The following TTC29 variants were observed in gnomAD, a reference collection of about 807,000 sequenced individuals.
TTC29 encodes tetratricopeptide repeat domain 29.
A neutral mutation model predicts 58.1 loss-of-function variants in TTC29; 49 were observed. The observed-to-expected ratio is 0.84, with a 90% CI of 0.67 to 1.07. The LOEUF is 1.07. TTC29 is among the 50% of genes least tolerant of loss of function. TTC29 has a pLI of 0.00. For missense variants in TTC29, 582 were observed against 555.6 expected (o/e 1.05, Z -0.48); for synonymous variants, 209 against 196.8 (o/e 1.06, Z -0.52).
chr4:146,763,280 T>A (rs914727200), intron 11 of TTC29, among the ~76,000 whole-genome samples: 12 of 152,134 alleles, frequency 7.9e-5, no homozygotes, highest in Admixed American at 7.2e-4. Flanking sequence ...TAACTTTATG[T>A]TCAACAGTTA....
At chr4:146,758,754 T>C (rs4835049) in intron 11 of TTC29, among the ~76,000 whole-genome samples, 106,114 of 151,978 alleles carry the variant, frequency 0.7, 38,149 homozygotes, top group African/African-American at 0.88. Flanking sequence ...GGGTCAAAAA[T>C]GAAATGAAGA....
At chr4:146,794,614 G>A (rs148290333) in intron 11 of TTC29, among the ~76,000 whole-genome samples, 17 of 151,986 alleles carry the variant, frequency 1.1e-4, no homozygotes, top group African/African-American at 1.7e-4. Context: ...TTTCCCCACT[G>A]ATACGTTAGT....
intron 5 of TTC29, among the ~76,000 whole-genome samples, chr4:146,908,214 T>C (rs932861917): frequency 2.0e-5 from 3 of 152,202 alleles, no homozygotes; most frequent in African/African-American, 7.2e-5. Flanking sequence ...GCCTGAGTTT[T>C]TCTTTTTGAA....
chr4:146,885,331 C>T (rs540378362), intron 6 of TTC29, among the ~76,000 whole-genome samples: 2 of 152,088 alleles, frequency 1.3e-5, no homozygotes, highest in East Asian at 3.9e-4. Context: ...TGAAACAATA[C>T]AGGAAAAATC....
intron 11 of TTC29, among the ~76,000 whole-genome samples, chr4:146,775,993 A>G (rs1233739282): frequency 6.6e-6 from 1 of 151,884 alleles, no homozygotes; most frequent in African/African-American, 2.4e-5. Context: ...ATGCATCTTT[A>G]TTGTTTTTTC....
intron 11 of TTC29, among the ~76,000 whole-genome samples, chr4:146,727,526 C>T (rs763176632): frequency 5.4e-4 from 82 of 152,204 alleles, no homozygotes; most frequent in African/African-American, 1.7e-3. Flanking sequence ...CTGAAACCAC[C>T]GATTTTTGAA....
intron 10 of TTC29, among the ~76,000 whole-genome samples, chr4:146,808,921 A>T (rs1750816803): frequency 6.6e-6 from 1 of 152,218 alleles, no homozygotes; most frequent in Non-Finnish European, 1.5e-5. Flanking sequence ...AAGAGCCTGT[A>T]TAGCCAAGAC....
At chr4:146,806,845 C>G (rs1036342921) in intron 10 of TTC29, among the ~76,000 whole-genome samples, 1 of 152,112 alleles carries the variant, frequency 6.6e-6, no homozygotes, top group Non-Finnish European at 1.5e-5. Context: ...AGAAAATTAA[C>G]AAAGATATTC....
chr4:146,729,926 T>A (rs188801231), intron 11 of TTC29, among the ~76,000 whole-genome samples: 11 of 152,016 alleles, frequency 7.2e-5, no homozygotes, highest in African/African-American at 2.7e-4. Context: ...GGGATTACCA[T>A]TAGAGATGAG....
intron 11 of TTC29, among the ~76,000 whole-genome samples, chr4:146,766,596 T>A (rs979642386): frequency 3.9e-5 from 6 of 151,982 alleles, no homozygotes; most frequent in Non-Finnish European, 7.4e-5. Flanking sequence ...TAGAAGTGGG[T>A]TTGTGATAAA....
intron 11 of TTC29, among the ~76,000 whole-genome samples, chr4:146,794,156 C>T (rs555616846): frequency 6.6e-6 from 1 of 152,186 alleles, no homozygotes; most frequent in South Asian, 2.1e-4. Flanking sequence ...AAAGTGATTA[C>T]AATTTAAAGC....
intron 8 of TTC29, among the ~76,000 whole-genome samples, chr4:146,834,244 A>G (rs1042829104): frequency 6.6e-6 from 1 of 152,206 alleles, no homozygotes; most frequent in African/African-American, 2.4e-5. Flanking sequence ...AATATAAGGC[A>G]GATTATAATA....
chr4:146,898,387 A>G (rs574052577), intron 6 of TTC29, among the ~76,000 whole-genome samples: 2 of 152,322 alleles, frequency 1.3e-5, no homozygotes, highest in East Asian at 3.9e-4. Context: ...TTATAGAGAT[A>G]CACTAGCTAG....
intron 8 of TTC29, among the ~76,000 whole-genome samples, chr4:146,839,008 G>T (rs1728681753): frequency 6.6e-6 from 1 of 151,834 alleles, no homozygotes; most frequent in African/African-American, 2.4e-5. Context: ...GCCTTTATAA[G>T]AAAACACTGT....
intron 11 of TTC29, among the ~76,000 whole-genome samples, chr4:146,766,746 T>C (rs1162946173): frequency 6.6e-6 from 1 of 152,028 alleles, no homozygotes; most frequent in Non-Finnish European, 1.5e-5. Flanking sequence ...CAGTAAATTG[T>C]TAAATAATTT....
intron 4 of TTC29, 145 bp from the exon 5 acceptor site, chr4:146,909,394 C>T (rs1733750112): frequency 1.5e-6 from 1 of 659,380 alleles, no homozygotes; most frequent in South Asian, 1.9e-5. Flanking sequence ...AGATCTTTGC[C>T]TCAAACACTT....
intron 4 of TTC29, among the ~76,000 whole-genome samples, chr4:146,928,716 T>C (rs1431733167): frequency 1.3e-5 from 2 of 152,210 alleles, no homozygotes; most frequent in African/African-American, 2.4e-5. Context: ...CACTTGAATA[T>C]ATTCTAAATT....
intron 11 of TTC29, among the ~76,000 whole-genome samples, chr4:146,772,290 T>C (rs1013524742): frequency 6.6e-6 from 1 of 152,180 alleles, no homozygotes; most frequent in African/African-American, 2.4e-5. Flanking sequence ...TTTGTTGCAA[T>C]TGCTTTTGGC....
chr4:146,857,995 GA>G (rs1177361718), intron 8 of TTC29, among the ~76,000 whole-genome samples: 1 of 152,138 alleles, frequency 6.6e-6, no homozygotes, highest in African/African-American at 2.4e-5. Flanking sequence ...AATAAAGTAA[GA>G]ATGAAGTAGA....
Sources: allele counts gnomAD v4.1 joint callset (sites outside exome capture counted in the v4.1 genomes callset), GRCh38; gene constraint gnomAD v4.1.1; transcripts MANE v1.5; gene names NCBI Gene and HGNC (gene_info 2026-07-23, HGNC 2026-07-21).